Variants in ADGRA3 observed in about 807,000 individuals in gnomAD.
The protein encoded by ADGRA3 is adhesion G protein-coupled receptor A3.
A neutral mutation model predicts 119.8 loss-of-function variants in ADGRA3; 56 were observed. That is an observed-to-expected ratio of 0.47 (90% CI 0.38 to 0.58). The LOEUF is 0.58. ADGRA3 is among the 20% of genes least tolerant of loss of function. The probability of loss-of-function intolerance (pLI) is 0.00; values close to 1 mark genes in which losing one functional copy is unlikely to be tolerated. For missense variants in ADGRA3, 1,516 were observed against 1,649.0 expected (o/e 0.92, Z 1.40); for synonymous variants, 607 against 623.8 (o/e 0.97, Z 0.40).
At chr4:22,471,433 A>G (rs1022496761) in intron 2 of ADGRA3, among the ~76,000 whole-genome samples, 4 of 152,090 alleles carry the variant, frequency 2.6e-5, no homozygotes, top group Non-Finnish European at 5.9e-5. Context: ...AACCTCTTTA[A>G]AATAAAATAA....
At chr4:22,438,682 G>C (rs1184156532) in intron 7 of ADGRA3, among the ~76,000 whole-genome samples, 1 of 152,142 alleles carries the variant, frequency 6.6e-6, no homozygotes, top group African/African-American at 2.4e-5. Context: ...CGACGCATGA[G>C]AATTCTCCTT....
chr4:22,404,684 C>T (rs1714821349), intron 14 of ADGRA3, among the ~76,000 whole-genome samples: 1 of 152,154 alleles, frequency 6.6e-6, no homozygotes, highest in Admixed American at 6.5e-5. Flanking sequence ...GGGAAAAGAC[C>T]AGAGAAAAGC....
At chr4:22,464,826 G>C (rs1447471893) in intron 2 of ADGRA3, among the ~76,000 whole-genome samples, 1 of 152,200 alleles carries the variant, frequency 6.6e-6, no homozygotes, top group African/African-American at 2.4e-5. Context: ...TCAGCTGCCT[G>C]CCGCAGGAGC....
chr4:22,485,115 T>C (rs1175194951), intron 1 of ADGRA3, among the ~76,000 whole-genome samples: 2 of 152,100 alleles, frequency 1.3e-5, no homozygotes, highest in African/African-American at 4.8e-5. Flanking sequence ...AGGGTCTCGC[T>C]CTGTCACCCA....
chr4:22,501,175 T>C (rs1484971462), intron 1 of ADGRA3, among the ~76,000 whole-genome samples: 1 of 152,180 alleles, frequency 6.6e-6, no homozygotes, highest in African/African-American at 2.4e-5. Context: ...TAAATCTATC[T>C]CTTCATCTAG....
At chr4:22,424,742 A>C (rs1249397779) in intron 10 of ADGRA3, among the ~76,000 whole-genome samples, 1 of 152,208 alleles carries the variant, frequency 6.6e-6, no homozygotes, top group Non-Finnish European at 1.5e-5. Flanking sequence ...CTTTTTGTGC[A>C]TGCATTAGCT....
chr4:22,431,224 C>A (rs925580428), intron 10 of ADGRA3, among the ~76,000 whole-genome samples: 3 of 152,114 alleles, frequency 2.0e-5, no homozygotes, highest in Non-Finnish European at 4.4e-5. Context: ...GTCCTCCAGA[C>A]CCCAGAATGA....
intron 11 of ADGRA3, among the ~76,000 whole-genome samples, chr4:22,423,908 A>G (rs1424957204): frequency 6.6e-6 from 1 of 152,270 alleles, no homozygotes; most frequent in Non-Finnish European, 1.5e-5. Context: ...AGTATTTTCC[A>G]GTTCCCAAGA....
intron 3 of ADGRA3, among the ~76,000 whole-genome samples, chr4:22,456,503 G>C (rs2109094603): frequency 6.6e-6 from 1 of 152,308 alleles, no homozygotes; most frequent in East Asian, 1.9e-4. Flanking sequence ...TCAGGCTACA[G>C]GTTCTTTGTC....
chr4:22,419,857 G>A (rs375583829), intron 12 of ADGRA3, among the ~76,000 whole-genome samples: 17 of 152,080 alleles, frequency 1.1e-4, no homozygotes, highest in East Asian at 5.8e-4. Flanking sequence ...CTCTCTTAGC[G>A]CCAATATTAA....
chr4:22,515,723 A>G lies in ADGRA3; in HGVS notation c.62T>C (p.Leu21Pro). The G allele has an allele frequency of 2.8e-6, 3 of 1,055,594 alleles. No homozygotes were observed. The highest frequency in any genetic ancestry group is 3.4e-6 in the Non-Finnish European group (3 of 880,890). 65.4% of individuals were successfully genotyped at this position (1,055,594 alleles called of 1,614,324 possible). Residue 21 changes from leucine to proline, a missense_variant, in exon 1 of 19, where the codon CTG becomes CCG. Physicochemically the swap from Leu to Pro is moderately conservative, Grantham distance 98. Around this residue, in one of 2 missense-constraint regions of ADGRA3, gnomAD observed 428 missense variants for 541.9 expected, o/e 0.79. Coordinates refer to ENST00000334304, the MANE Select transcript of ADGRA3 (RefSeq NM_145290.4). ...AQPPLLLPLSLLALLALLGGG... is the reference protein window; with the variant it reads ...AQPPLLLPLSPLALLALLGGG... ...TCCCAGCAGCGCGAGCAGCGCTAAC[A>G]GCGAGAGCGGCAGCAACAGCGGCGG...
In ADGRA3 at chr4:22,438,700, T is replaced by C. The variant is rs554442153; in HGVS notation, c.921-280A>G. Among the ~76,000 whole-genome samples, 154 of 151,928 alleles carry C rather than the reference T, an allele frequency of 1.0e-3. 1 individual carries two copies. Among genetic ancestry groups the C allele is most frequent in the African/African-American group, 3.4e-3 (142 of 41,450 alleles). On this transcript the variant is annotated intron_variant, in intron 7 of 18. Transcript: ENST00000334304. ...CGCATGAGAATTCTCCTTGCAGAAATAGGGAGAGCAGAACACTTTACAGAA... is the reference window on the plus strand; with the variant it reads ...CGCATGAGAATTCTCCTTGCAGAAACAGGGAGAGCAGAACACTTTACAGAA...
Position 22,396,351 on chromosome 4 carries a change from C to G in ADGRA3, c.2482-3661G>C, listed in dbSNP as rs1714353471. ...TACATTACAACCCATTTATACTGTT[C>G]ATAAAATATGTAAGCTCGCAAAGGG... On this transcript the variant is annotated intron_variant, in intron 16 of 18. Transcript: ENST00000334304. 2.0e-5 allele frequency among the ~76,000 whole-genome samples: 3 copies of G among 152,206 alleles called. No homozygotes were observed. The South Asian group carries it at 6.2e-4, about 32-fold the overall frequency.
chr4:22,453,059 G>A (rs184951874), intron 4 of ADGRA3, among the ~76,000 whole-genome samples: 52 of 151,656 alleles, frequency 3.4e-4, no homozygotes, highest in African/African-American at 9.7e-4. Flanking sequence ...AAAATTAGCC[G>A]GGCGTGGTGG....
At chr4:22,513,082 AAGACCCCTCTACAG>A (rs1178495255) in intron 1 of ADGRA3, among the ~76,000 whole-genome samples, 8 of 151,844 alleles carry the variant, frequency 5.3e-5, no homozygotes, top group Non-Finnish European at 8.8e-5. Flanking sequence ...ACTGGCCCAT[AAGACCCCTCTACAG>A]GGGGCCTCAT....
At chr4:22,425,434 A>G (rs1392595) in intron 10 of ADGRA3, among the ~76,000 whole-genome samples, 148,987 of 152,290 alleles carry the variant, frequency 0.98, 72,906 homozygotes, top group Non-Finnish European at 0.99. Flanking sequence ...ACTATAACTC[A>G]TACGTCTCAC....
intron 14 of ADGRA3, among the ~76,000 whole-genome samples, chr4:22,404,612 G>C (rs1714815992): frequency 6.6e-6 from 1 of 152,162 alleles, no homozygotes; most frequent in Non-Finnish European, 1.5e-5. Flanking sequence ...GATATACAGG[G>C]ATAGACAGAA....
chr4:22,472,786 G>A (rs967779337), intron 2 of ADGRA3, among the ~76,000 whole-genome samples: 5 of 152,146 alleles, frequency 3.3e-5, no homozygotes, highest in Non-Finnish European at 1.5e-5. Flanking sequence ...TGAGCAAAGA[G>A]AATTGAGAAA....
At chr4:22,444,616 G>A (rs770640959) in intron 6 of ADGRA3, among the ~76,000 whole-genome samples, 27 of 152,042 alleles carry the variant, frequency 1.8e-4, no homozygotes, top group Non-Finnish European at 3.4e-4. Flanking sequence ...AGGCTGTATC[G>A]TTCACATTCC....
Sources: gnomAD v4.1 joint callset for allele counts (sites outside exome capture counted in the v4.1 genomes callset) on GRCh38, gnomAD v4.1.1 for gene constraint, gnomAD v4.1.1 regional missense constraint, MANE v1.5 for transcripts, NCBI Gene and HGNC (gene_info 2026-07-23, HGNC 2026-07-21) for gene names.